CSMD3: variants seen among roughly 807,000 people sequenced by gnomAD.
CSMD3 encodes the protein CUB and Sushi multiple domains 3.
CSMD3 carries 177 observed loss-of-function variants against 435.2 expected under a neutral mutation model. The observed-to-expected ratio is 0.41, with a 90% CI of 0.36 to 0.46. CSMD3 has a LOEUF of 0.46. Among genes scored for constraint, CSMD3 ranks in the 20% least tolerant of loss-of-function variants. CSMD3 has a pLI of 0.34. For synonymous variants in CSMD3, 1,656 were observed against 1,520.5 expected (o/e 1.09, Z -2.07); for missense variants, 4,265 against 4,504.6 (o/e 0.95, Z 1.52).
At chr8:112,229,835 G>T (rs1812922465) in intron 69 of CSMD3, among the ~76,000 whole-genome samples, 2 of 151,162 alleles carry the variant, frequency 1.3e-5, no homozygotes, top group South Asian at 4.2e-4. Flanking sequence ...ATGGACTTCA[G>T]GGAATACAGA....
At chr8:112,585,809 T>TC (rs1830679828) in intron 23 of CSMD3, among the ~76,000 whole-genome samples, 1 of 151,524 alleles carries the variant, frequency 6.6e-6, no homozygotes. Context: ...TGATACATTT[T>TC]CCCCCCATAA....
intron 27 of CSMD3, among the ~76,000 whole-genome samples, chr8:112,519,277 C>G (rs1824031439): frequency 6.6e-6 from 1 of 152,060 alleles, no homozygotes; most frequent in Admixed American, 6.6e-5. Flanking sequence ...GCAGAAATTC[C>G]AACAAAGATA....
intron 5 of CSMD3, among the ~76,000 whole-genome samples, chr8:113,074,073 T>C (rs1459412642): frequency 3.3e-5 from 5 of 151,818 alleles, no homozygotes; most frequent in East Asian, 1.9e-4. Context: ...GTAGCTTCTA[T>C]GTAGCAAGCA....
intron 22 of CSMD3, among the ~76,000 whole-genome samples, chr8:112,623,539 A>T (rs560981417): frequency 6.6e-6 from 1 of 152,036 alleles, no homozygotes; most frequent in African/African-American, 2.4e-5. Context: ...TTATACTTTA[A>T]GTTTTAGGGT....
intron 2 of CSMD3, among the ~76,000 whole-genome samples, chr8:113,282,687 C>T (rs1588437456): frequency 6.6e-6 from 1 of 151,926 alleles, no homozygotes; most frequent in Middle Eastern, 3.4e-3. Flanking sequence ...TAATGCAATC[C>T]CCATCAAAAT....
intron 22 of CSMD3, among the ~76,000 whole-genome samples, chr8:112,617,037 T>C (rs1262569852): frequency 1.3e-5 from 2 of 152,156 alleles, no homozygotes; most frequent in Non-Finnish European, 2.9e-5. Context: ...CTCTCAAGAA[T>C]TGTGTCAGAC....
intron 63 of CSMD3, among the ~76,000 whole-genome samples, chr8:112,247,968 A>T (rs1035509075): frequency 6.6e-6 from 1 of 152,164 alleles, no homozygotes; most frequent in Non-Finnish European, 1.5e-5. Context: ...TATTAGATTG[A>T]TTGGCATTTA....
At chr8:112,613,526 A>AT (rs971966339) in intron 22 of CSMD3, among the ~76,000 whole-genome samples, 162 of 152,282 alleles carry the variant, frequency 1.1e-3, no homozygotes, top group Non-Finnish European at 1.6e-3. Flanking sequence ...ATGTGAACCA[A>AT]ATTGGTTGTA....
chr8:112,491,919 T>C (rs978100133), intron 31 of CSMD3, among the ~76,000 whole-genome samples: 3 of 152,082 alleles, frequency 2.0e-5, no homozygotes, highest in Non-Finnish European at 4.4e-5. Flanking sequence ...CCCTAAGCAA[T>C]GATATCACTG....
chr8:112,800,532 C>T (rs1296107600), intron 12 of CSMD3, among the ~76,000 whole-genome samples: 2 of 151,948 alleles, frequency 1.3e-5, no homozygotes, highest in East Asian at 3.9e-4. Flanking sequence ...TTTAGACCAT[C>T]AAAAACTCCT....
Position 112,665,875 on chromosome 8 carries a change from G to T in CSMD3, c.2816+402C>A, listed in dbSNP as rs117330051. On this transcript the variant is annotated intron_variant, in intron 17 of 70. Coordinates refer to ENST00000297405, the MANE Select transcript of CSMD3 (RefSeq NM_198123.2). ...AAGGACTTATAGGTGAAAGCATATG[G>T]ATAGTGTGCCTAAGTGTCTTAGACT... Among the ~76,000 whole-genome samples, 448 of 152,216 alleles carry T rather than the reference G, an allele frequency of 2.9e-3. 2 individuals are homozygous for T. Among genetic ancestry groups the T allele is most frequent in the Middle Eastern group, 6.8e-3 (2 of 294 alleles).
At position 113,173,613 on chromosome 8, in the gene CSMD3, T is replaced by G. The variant is rs1032331046; in HGVS notation, c.709+109A>C. On this transcript the variant is annotated intron_variant, in intron 4 of 70. Coordinates refer to ENST00000297405, the MANE Select transcript of CSMD3 (RefSeq NM_198123.2). ...CTGGGATTACAGGCGTGAGTCACCATGCCTGGCCTCTCTATCCTTTAGATT... is the reference window on the plus strand; with the variant it reads ...CTGGGATTACAGGCGTGAGTCACCAGGCCTGGCCTCTCTATCCTTTAGATT... The G allele has an allele frequency of 2.2e-5, 20 of 902,084 alleles. No homozygotes were observed. The Middle Eastern group carries it at 8.6e-4, about 39-fold the overall frequency. The allele number at this position is 902,084 out of a possible 1,614,324, so 55.9% of individuals were successfully genotyped here.
intron 11 of CSMD3, among the ~76,000 whole-genome samples, chr8:112,837,126 C>A (rs1296403667): frequency 6.6e-6 from 1 of 151,500 alleles, no homozygotes; most frequent in Admixed American, 6.6e-5. Context: ...TTTCTGAAAC[C>A]TAACAACTAA....
chr8:113,218,730 T>C (rs2092934175), intron 3 of CSMD3, among the ~76,000 whole-genome samples: 1 of 151,294 alleles, frequency 6.6e-6, no homozygotes, highest in African/African-American at 2.4e-5. Flanking sequence ...ATATTTAACA[T>C]AACATGCATT....
chr8:113,306,702 T>C (rs914030142), intron 2 of CSMD3, among the ~76,000 whole-genome samples: 7 of 152,240 alleles, frequency 4.6e-5, no homozygotes, highest in Middle Eastern at 6.8e-3. Context: ...ATAAGTGTAG[T>C]GGCTGCTCAA....
chr8:112,290,925 A>G (rs2130670161), intron 56 of CSMD3, among the ~76,000 whole-genome samples: 1 of 152,158 alleles, frequency 6.6e-6, no homozygotes, highest in Non-Finnish European at 1.5e-5. Context: ...TACGTGTGTT[A>G]CTTTAAGCAT....
chr8:113,195,550 T>C (rs2092641632), intron 3 of CSMD3, among the ~76,000 whole-genome samples: 1 of 150,640 alleles, frequency 6.6e-6, no homozygotes, highest in Non-Finnish European at 1.5e-5. Context: ...GCAGGAATGC[T>C]CTGTATTTTT....
intron 5 of CSMD3, among the ~76,000 whole-genome samples, chr8:113,023,378 T>A (rs1255550424): frequency 6.6e-6 from 1 of 151,968 alleles, no homozygotes; most frequent in Non-Finnish European, 1.5e-5. Flanking sequence ...ATTCTCCCAC[T>A]TTCCTCTAAT....
Position 113,367,561 on chromosome 8 carries a change from C to T in CSMD3, c.179-52768G>A, listed in dbSNP as rs184731624. ...TACTGAAATTGGAATATTATCTGAACTCTTTACCATGATCTAAAAAGACAT... is the reference window on the plus strand; with the variant it reads ...TACTGAAATTGGAATATTATCTGAATTCTTTACCATGATCTAAAAAGACAT... On this transcript the variant is annotated intron_variant, in intron 1 of 70. Transcript: ENST00000297405. Among the ~76,000 whole-genome samples the T allele has an allele frequency of 4.8e-3, 730 of 152,176 alleles. 11 individuals carry two copies. Among genetic ancestry groups the T allele is most frequent in the African/African-American group, 0.017 (703 of 41,548 alleles).
Sources: gnomAD v4.1 joint callset for allele counts (sites outside exome capture counted in the v4.1 genomes callset) on GRCh38, gnomAD v4.1.1 for gene constraint, MANE v1.5 for transcripts, NCBI Gene and HGNC (gene_info 2026-07-23, HGNC 2026-07-21) for gene names.